Variants in LDLRAD3 observed in about 807,000 individuals in gnomAD.
LDLRAD3 encodes the protein low density lipoprotein receptor class A domain containing 3.
LDLRAD3 carries 20 observed loss-of-function variants against 29.4 expected under a neutral mutation model. That is an observed-to-expected ratio of 0.68 (90% CI 0.48 to 0.99). LDLRAD3 has a LOEUF of 0.99. Among genes scored for constraint, LDLRAD3 ranks in the 50% least tolerant of loss-of-function variants. The pLI, the probability that LDLRAD3 is intolerant of heterozygous loss-of-function variation, is 0.00. For missense variants in LDLRAD3, 420 were observed against 454.3 expected, an observed-to-expected ratio of 0.92 and a Z score of 0.69; for synonymous variants, 157 against 192.7, an observed-to-expected ratio of 0.81 and a Z score of 1.53.
At chr11:36,108,976 A>G (rs1048510993) in intron 4 of LDLRAD3, among the ~76,000 whole-genome samples, 3 of 152,084 alleles carry the variant, frequency 2.0e-5, no homozygotes, top group Middle Eastern at 3.2e-3. Flanking sequence ...TTCTGACTCA[A>G]TGGACCTAAC....
At position 36,232,110 on chromosome 11, in the gene LDLRAD3, T is replaced by C. The variant is rs1266263182; in HGVS notation, c.*2713T>C. ...GGTTTTGTTTTTTAATTTTTATACT[T>C]TCTAATAAATTTGCAGTTTCATTCT... On this transcript the variant is annotated 3_prime_UTR_variant, in exon 6 of 6. Coordinates refer to ENST00000315571, the MANE Select transcript of LDLRAD3 (RefSeq NM_174902.4). The C allele has an allele frequency of 6.6e-6, 1 of 152,238 alleles. No homozygotes were observed. Among genetic ancestry groups the C allele is most frequent in the Non-Finnish European group, 1.5e-5 (1 of 68,040 alleles). 9.4% of individuals were successfully genotyped at this position (152,238 alleles called of 1,614,324 possible).
At chr11:36,138,606 A>G (rs1368070407) in intron 4 of LDLRAD3, among the ~76,000 whole-genome samples, 1 of 152,242 alleles carries the variant, frequency 6.6e-6, no homozygotes, top group Non-Finnish European at 1.5e-5. Context: ...TGATTAGTTA[A>G]AAATGGGAAT....
chr11:36,170,341 C>T (rs966647158), intron 4 of LDLRAD3, among the ~76,000 whole-genome samples: 15 of 69,212 alleles, frequency 2.2e-4, no homozygotes, highest in African/African-American at 5.1e-4. Flanking sequence ...TACGTATATA[C>T]GTATATATAC....
chr11:36,059,471 C>T (rs1852666900), intron 2 of LDLRAD3, among the ~76,000 whole-genome samples: 1 of 152,154 alleles, frequency 6.6e-6, no homozygotes, highest in Non-Finnish European at 1.5e-5. Context: ...GACCTGGCTC[C>T]TGCTGACCTC....
At chr11:36,094,566 C>T (rs778371514) in intron 3 of LDLRAD3, among the ~76,000 whole-genome samples, 2 of 152,270 alleles carry the variant, frequency 1.3e-5, no homozygotes, top group Non-Finnish European at 1.5e-5. Flanking sequence ...GACGGGGTCT[C>T]GCTCTGTCAC....
intron 2 of LDLRAD3, among the ~76,000 whole-genome samples, chr11:36,061,698 A>G (rs1415618425): frequency 6.6e-6 from 1 of 152,166 alleles, no homozygotes; most frequent in African/African-American, 2.4e-5. Flanking sequence ...AGTAGAAAAG[A>G]CTCGACCACA....
rs1284783531 is a variant in LDLRAD3 at position 35,993,795 on chromosome 11, GT to G, written c.47-42307del. 2.0e-5 allele frequency among the ~76,000 whole-genome samples: 3 copies of G among 152,228 alleles called. No individual in the cohort carries two copies. In the East Asian group the frequency reaches 5.8e-4, roughly 29 times the overall value. On this transcript the variant is annotated intron_variant, in intron 1 of 5. Coordinates refer to ENST00000315571, the MANE Select transcript of LDLRAD3 (RefSeq NM_174902.4). The stretch of plus-strand genomic sequence containing the variant: ...AGGATTCATGAGCTGATTCAGACGT[GT>G]GGCCCCTTCCAGTGTCTGTGAGAGG...
At chr11:35,984,300 T>G (rs1851580886) in intron 1 of LDLRAD3, among the ~76,000 whole-genome samples, 1 of 152,144 alleles carries the variant, frequency 6.6e-6, no homozygotes, top group Admixed American at 6.5e-5. Context: ...TTTTTCATAA[T>G]TACTTCTGTT....
intron 4 of LDLRAD3, among the ~76,000 whole-genome samples, chr11:36,102,479 A>G (rs1311846337): frequency 1.3e-5 from 2 of 149,574 alleles, no homozygotes; most frequent in South Asian, 4.3e-4. Context: ...TAGCAACACC[A>G]GTTTATGGGA....
chr11:35,959,900 C>T (rs1256454959), intron 1 of LDLRAD3, among the ~76,000 whole-genome samples: 1 of 152,138 alleles, frequency 6.6e-6, no homozygotes, highest in Non-Finnish European at 1.5e-5. Context: ...CCATTCTACT[C>T]CAGCTTTGGT....
chr11:36,182,080 G>T (rs1189018226), intron 4 of LDLRAD3, among the ~76,000 whole-genome samples: 1 of 152,186 alleles, frequency 6.6e-6, no homozygotes, highest in East Asian at 1.9e-4. Flanking sequence ...ACTGATCTGA[G>T]CCTGCAGATA....
chr11:35,989,587 C>T (rs747449078), intron 1 of LDLRAD3, among the ~76,000 whole-genome samples: 24 of 151,952 alleles, frequency 1.6e-4, no homozygotes, highest in Non-Finnish European at 3.1e-4. Flanking sequence ...GATCTTTCAC[C>T]TGCTTAGTTA....
chr11:36,065,769 A>T (rs148389870), intron 2 of LDLRAD3, among the ~76,000 whole-genome samples: 65 of 152,216 alleles, frequency 4.3e-4, no homozygotes, highest in African/African-American at 1.5e-3. Context: ...TTATCTTCAC[A>T]TTGTAGGCCT....
At chr11:35,959,911 G>A (rs151015418) in intron 1 of LDLRAD3, among the ~76,000 whole-genome samples, 3 of 152,246 alleles carry the variant, frequency 2.0e-5, no homozygotes, top group Non-Finnish European at 4.4e-5. Context: ...CAGCTTTGGT[G>A]ACAGAGTGAG....
chr11:36,029,405 CAGGACT>C (rs11278940), intron 1 of LDLRAD3, among the ~76,000 whole-genome samples: 69,395 of 151,312 alleles, frequency 0.46, 17,035 homozygotes, highest in Admixed American at 0.55. Context: ...AGGGTGGCGC[CAGGACT>C]CAGTGCTCAT....
chr11:36,110,778 C>A (rs1853594599), intron 4 of LDLRAD3, among the ~76,000 whole-genome samples: 1 of 152,194 alleles, frequency 6.6e-6, no homozygotes, highest in Admixed American at 6.5e-5. Context: ...CAGATAATTA[C>A]CCTCAAGTGT....
Position 36,011,041 on chromosome 11 carries a change from G to A in LDLRAD3, c.47-25062G>A, listed in dbSNP as rs1851949038. Among the ~76,000 whole-genome samples, 3 of 152,188 alleles carry A rather than the reference G, an allele frequency of 2.0e-5. No homozygotes were observed. The South Asian group carries it at 6.2e-4, about 32-fold the overall frequency. On this transcript the variant is annotated intron_variant, in intron 1 of 5. Transcript: ENST00000315571. ...GCTGGTCTCGAACTCCTAACCTCAG[G>A]TGATCTGCCTGCCTTGGCCTCCCAA...
chr11:36,140,997 TCTCTC>T (rs1565252510), intron 4 of LDLRAD3, among the ~76,000 whole-genome samples: 61 of 104,710 alleles, frequency 5.8e-4, no homozygotes, highest in African/African-American at 2.2e-3. Context: ...GAGCTTTCTC[TCTCTC>T]TCTCTCTCTC....
intron 3 of LDLRAD3, among the ~76,000 whole-genome samples, chr11:36,087,401 T>G (rs1165620760): frequency 6.6e-6 from 1 of 152,250 alleles, no homozygotes; most frequent in African/African-American, 2.4e-5. Context: ...GATTATGTGC[T>G]ATCTGGGATG....
Sources: allele counts gnomAD v4.1 joint callset (sites outside exome capture counted in the v4.1 genomes callset), GRCh38; gene constraint gnomAD v4.1.1; transcripts MANE v1.5; gene names NCBI Gene and HGNC (gene_info 2026-07-23, HGNC 2026-07-21).